Variants in CD86 observed in about 807,000 individuals in gnomAD.
CD86 encodes the protein T-lymphocyte activation antigen CD86.
A neutral mutation model predicts 32.1 loss-of-function variants in CD86; 11 were observed. The observed-to-expected ratio is 0.34, with a 90% confidence interval of 0.22 to 0.57. CD86 has a LOEUF of 0.57. CD86 is among the 20% of genes least tolerant of loss of function. CD86 has a pLI of 0.86. For synonymous variants in CD86, 137 were observed against 135.3 expected (o/e 1.01, Z -0.09); for missense variants, 359 against 398.4 (o/e 0.90, Z 0.84).
chr3:122,109,595 G>C (rs2073142913), intron 5 of CD86, among the ~76,000 whole-genome samples, 187 bp downstream of exon 5: 1 of 152,206 alleles, frequency 6.6e-6, no homozygotes, highest in Non-Finnish European at 1.5e-5. Context: ...GCTGCTCTTG[G>C]ACTTCAAAGA....
rs771106567 is a variant in CD86, at chr3:122,119,574, C to G, written c.*40C>G. The G allele has an allele frequency of 7.7e-6, 10 of 1,293,564 alleles. No homozygotes were observed. Among genetic ancestry groups the G allele is most frequent in the Non-Finnish European group, 1.0e-5 (9 of 898,848 alleles). 80.1% of individuals were successfully genotyped at this position (1,293,564 alleles called of 1,614,324 possible). A position where few individuals can be genotyped will look rare whatever the true frequency, so the allele number is the denominator to read the frequency against. The stretch of plus-strand genomic sequence containing the variant: ...CCATACAAGTATTCATTTTTTCTAC[C>G]CTTTCCTTTGTAAGTTCCTGGGCAA... On this transcript the variant is annotated 3_prime_UTR_variant, in exon 7 of 7. Coordinates refer to ENST00000330540, the MANE Select transcript of CD86 (RefSeq NM_175862.5).
Position 122,079,913 on chromosome 3 carries a change from T to C in CD86, c.15-11688T>C, listed in dbSNP as rs1015061761. On this transcript the variant is annotated intron_variant, in intron 1 of 6. Coordinates refer to ENST00000330540, the MANE Select transcript of CD86 (RefSeq NM_175862.5). ...TTTAGATAAATTAACTTGAACCTAA[T>C]GCCTAATGGCTTAAAAACAAACAAA... Among the ~76,000 whole-genome samples the C allele has an allele frequency of 4.6e-5, 7 of 152,260 alleles. 1 individual carries two copies. Among genetic ancestry groups the C allele is most frequent in the Middle Eastern group, 6.8e-3 (2 of 294 alleles).
chr3:122,084,215 G>C (rs1202220732), intron 1 of CD86, among the ~76,000 whole-genome samples: 1 of 152,202 alleles, frequency 6.6e-6, no homozygotes, highest in African/African-American at 2.4e-5. Flanking sequence ...TCAAACTCCT[G>C]ACCTCAGGTA....
At chr3:122,080,823 G>A (rs1051146479) in intron 1 of CD86, among the ~76,000 whole-genome samples, 3 of 152,128 alleles carry the variant, frequency 2.0e-5, no homozygotes, top group African/African-American at 7.2e-5. Flanking sequence ...TCAGGATGGA[G>A]GACGTCTCCA....
chr3:122,095,066 T>C (rs570598739), intron 2 of CD86, among the ~76,000 whole-genome samples: 5 of 152,312 alleles, frequency 3.3e-5, no homozygotes, highest in Admixed American at 6.5e-5. Flanking sequence ...TCTCTTTTTG[T>C]CTGAGGGTTC....
intron 2 of CD86, among the ~76,000 whole-genome samples, chr3:122,096,103 C>T (rs975930355): frequency 2.6e-5 from 4 of 152,176 alleles, no homozygotes; most frequent in African/African-American, 9.6e-5. Context: ...AACTCTGTCA[C>T]CCAGGCTAGA....
At chr3:122,063,732 AT>A (rs2072371792) in intron 1 of CD86, among the ~76,000 whole-genome samples, 1 of 151,424 alleles carries the variant, frequency 6.6e-6, no homozygotes, top group Admixed American at 6.6e-5. Context: ...ATTTTCTTGT[AT>A]TTTTAGTAGA....
At chr3:122,099,901 A>C (rs1312874892) in intron 2 of CD86, among the ~76,000 whole-genome samples, 1 of 152,174 alleles carries the variant, frequency 6.6e-6, no homozygotes, top group East Asian at 1.9e-4. Context: ...ACTGCACTAC[A>C]GGGTCTGGAT....
intron 3 of CD86, among the ~76,000 whole-genome samples, chr3:122,105,768 C>T (rs2073080756): frequency 6.6e-6 from 1 of 152,134 alleles, no homozygotes; most frequent in Non-Finnish European, 1.5e-5. Context: ...GCACCATGAA[C>T]TCTGTCAGTT....
At chr3:122,098,582 A>C (rs996962867) in intron 2 of CD86, among the ~76,000 whole-genome samples, 6 of 152,216 alleles carry the variant, frequency 3.9e-5, no homozygotes, top group Admixed American at 6.5e-5. Flanking sequence ...GGTGGAAGGC[A>C]TCAGAGGCTT....
rs1234591391 is a variant in CD86, at chr3:122,091,608, G to A, written c.22G>A (p.Gly8Arg). The change falls in exon 2 of 7, where the codon GGA becomes AGA. Residue 8 changes from glycine (G) to arginine (R), a missense_variant. Gly to Arg is a moderately radical substitution (Grantham distance 125). Coordinates refer to ENST00000330540, the MANE Select transcript of CD86 (RefSeq NM_175862.5). MDPQCTM[G>R]LSNILFVMAF... ...TTTTTTTCTCGACTCTAGCACTATG[G>A]GACTGAGTAACATTCTCTTTGTGAT... 8.7e-6 allele frequency: 14 copies of A among 1,611,952 alleles called. No homozygotes were observed. Among genetic ancestry groups the A allele is most frequent in the African/African-American group, 1.3e-5 (1 of 74,798 alleles).
At chr3:122,068,000 A>C (rs1370331295) in intron 1 of CD86, among the ~76,000 whole-genome samples, 3 of 152,138 alleles carry the variant, frequency 2.0e-5, no homozygotes, top group African/African-American at 7.2e-5. Flanking sequence ...GTGTTCAGAG[A>C]AGTCTTAAGT....
chr3:122,086,436 G>T (rs530105875), intron 1 of CD86: 5 of 374,026 alleles, frequency 1.3e-5, no homozygotes, highest in African/African-American at 8.3e-5. Context: ...CCTGCCCTTT[G>T]CCTGAATGAG....
At chr3:122,108,320 G>C (rs780523760) in intron 4 of CD86, among the ~76,000 whole-genome samples, 2 of 152,180 alleles carry the variant, frequency 1.3e-5, no homozygotes, top group African/African-American at 4.8e-5. Flanking sequence ...CAGCCTCCAC[G>C]TTAGTAAGTA....
intron 1 of CD86, among the ~76,000 whole-genome samples, chr3:122,060,708 G>A (rs2072320639): frequency 6.6e-6 from 1 of 152,048 alleles, no homozygotes; most frequent in Non-Finnish European, 1.5e-5. Context: ...AACTAGTTTG[G>A]GAAGGATTTC....
intron 1 of CD86, among the ~76,000 whole-genome samples, chr3:122,089,134 A>G (rs969086174): frequency 6.6e-6 from 1 of 152,246 alleles, no homozygotes; most frequent in African/African-American, 2.4e-5. Flanking sequence ...ATTCATGGAA[A>G]CAGAAGGTGG....
At chr3:122,098,743 C>T (rs2072948630) in intron 2 of CD86, among the ~76,000 whole-genome samples, 1 of 152,156 alleles carries the variant, frequency 6.6e-6, no homozygotes, top group East Asian at 1.9e-4. Flanking sequence ...TATTGGAGTT[C>T]AGCTCTGGCT....
At chr3:122,118,799 G>A (rs574967994) in intron 6 of CD86, among the ~76,000 whole-genome samples, 1 of 152,316 alleles carries the variant, frequency 6.6e-6, no homozygotes, top group South Asian at 2.1e-4. Flanking sequence ...CATATAGCAG[G>A]TTCTCAATAA....
At chr3:122,093,221 G>A (rs1272494008) in intron 2 of CD86, among the ~76,000 whole-genome samples, 2 of 152,098 alleles carry the variant, frequency 1.3e-5, no homozygotes, top group Non-Finnish European at 2.9e-5. Flanking sequence ...CAGTGGCACA[G>A]TCACAGCTCA....
Sources: allele counts gnomAD v4.1 joint callset (sites outside exome capture counted in the v4.1 genomes callset), GRCh38; gene constraint gnomAD v4.1.1; transcripts MANE v1.5; gene names NCBI Gene and HGNC (gene_info 2026-07-23, HGNC 2026-07-21).